CFAP70: variants seen among roughly 807,000 people sequenced by gnomAD.
CFAP70 encodes cilia- and flagella-associated protein 70.
In CFAP70, 81 loss-of-function variants were observed where a neutral mutation model predicts 137.6. That is an observed-to-expected ratio of 0.59 (90% confidence interval 0.49 to 0.71). The LOEUF (loss-of-function observed/expected upper bound fraction) is 0.71. Among genes scored for constraint, CFAP70 ranks in the 30% least tolerant of loss-of-function variants. The pLI is 0.00. For synonymous variants in CFAP70, 382 were observed against 423.6 expected (o/e 0.90, Z 1.20); for missense variants, 976 against 1,226.7 (o/e 0.80, Z 3.05).
At chr10:73,256,402 T>G (rs780208474) in exon 26 of CFAP70, 1 of 1,614,142 alleles carries the variant, frequency 6.2e-7, no homozygotes, top group Non-Finnish European at 8.5e-7. Flanking sequence ...GCTCAGCTTC[T>G]AATTGCCGTC....
In CFAP70 at chr10:73,354,798, T is replaced by C. The variant is rs1352566369; in HGVS notation, c.-2A>G. The stretch of plus-strand genomic sequence containing the variant: ...GCCTGCTGATGGCACTTGCTCCATA[T>C]CACCAACTGGGAAAAGTCCCTCTGT... On this transcript the variant is annotated 5_prime_UTR_variant, in exon 2 of 27. An upstream open reading frame in the 5' UTR loses its in-frame stop. Coordinates refer to ENST00000310715, the Ensembl canonical transcript of CFAP70. 2 of 1,613,812 alleles carry C rather than the reference T, an allele frequency of 1.2e-6. No homozygotes were observed. Among genetic ancestry groups the C allele is most frequent in the African/African-American group, 1.3e-5 (1 of 74,918 alleles).
intron 25 of CFAP70, among the ~76,000 whole-genome samples, chr10:73,261,970 T>A (rs952195736): frequency 1.4e-5 from 2 of 147,298 alleles, no homozygotes; most frequent in African/African-American, 5.0e-5. Flanking sequence ...TGTATACATA[T>A]TATATATATG....
intron 3 of CFAP70, among the ~76,000 whole-genome samples, chr10:73,350,973 A>G (rs1048230622): frequency 1.4e-5 from 2 of 138,788 alleles, no homozygotes; most frequent in Non-Finnish European, 3.1e-5. Flanking sequence ...GTGTATATGT[A>G]TGTGTGTGTG....
At chr10:73,295,785 T>G (rs1158965913) in intron 15 of CFAP70, 1 of 152,226 alleles carries the variant, frequency 6.6e-6, no homozygotes, top group African/African-American at 2.4e-5. Flanking sequence ...AGAGTTCTAC[T>G]GCCAGCTCTC....
At chr10:73,322,845 T>A in intron 9 of CFAP70, 118 bp downstream of exon 10, 1 of 824,320 alleles carries the variant, frequency 1.2e-6, no homozygotes, top group South Asian at 2.6e-5. Flanking sequence ...ATATTTAATA[T>A]CCTAGTATAC....
chr10:73,350,897 G>A (rs1306243168), intron 3 of CFAP70, among the ~76,000 whole-genome samples: 1 of 150,720 alleles, frequency 6.6e-6, no homozygotes, highest in Non-Finnish European at 1.5e-5. Flanking sequence ...AGTAGCTAGG[G>A]CTACAAGTGC....
chr10:73,333,356 G>A (rs1299794971), intron 7 of CFAP70, among the ~76,000 whole-genome samples: 1 of 151,894 alleles, frequency 6.6e-6, no homozygotes, highest in Non-Finnish European at 1.5e-5. Flanking sequence ...AGTAATAATA[G>A]CTAAGAATTT....
intron 7 of CFAP70, among the ~76,000 whole-genome samples, chr10:73,334,830 G>A (rs897870030): frequency 1.3e-5 from 2 of 151,070 alleles, no homozygotes; most frequent in African/African-American, 4.9e-5. Context: ...CACCCGCCTC[G>A]GCCTTTCAAA....
At chr10:73,311,971 C>A (rs2049957275) in intron 10 of CFAP70, 57 bp from the exon 12 acceptor site, 3 of 1,308,500 alleles carry the variant, frequency 2.3e-6, no homozygotes, top group Non-Finnish European at 3.3e-6. Context: ...TTCATAGTGA[C>A]AAGAACAATG....
exon 8 of CFAP70, chr10:73,331,200 C>A: frequency 6.2e-7 from 1 of 1,612,054 alleles, no homozygotes; most frequent in Non-Finnish European, 8.5e-7. Flanking sequence ...CCAGCTTTCC[C>A]TTTGGGTATA....
chr10:73,339,107 C>T (rs887148443), intron 6 of CFAP70, among the ~76,000 whole-genome samples: 1 of 151,702 alleles, frequency 6.6e-6, no homozygotes, highest in African/African-American at 2.4e-5. Flanking sequence ...TTAGTAGAGA[C>T]AGAGTTTCAT....
At chr10:73,345,624 G>C (rs2053635331) in intron 4 of CFAP70, among the ~76,000 whole-genome samples, 1 of 152,036 alleles carries the variant, frequency 6.6e-6, no homozygotes, top group South Asian at 2.1e-4. Context: ...GGCCAACACA[G>C]TGAAAACCCA....
At chr10:73,320,096 A>G (rs534137216) in intron 9 of CFAP70, among the ~76,000 whole-genome samples, 1 of 152,064 alleles carries the variant, frequency 6.6e-6, no homozygotes, top group Non-Finnish European at 1.5e-5. Flanking sequence ...TTACATTTTA[A>G]TTTTGTTTAT....
intron 4 of CFAP70, 151 bp from the exon 6 acceptor site, chr10:73,345,395 T>G (rs1249770274): frequency 1.4e-6 from 1 of 721,828 alleles, no homozygotes; most frequent in Non-Finnish European, 2.2e-6. Flanking sequence ...CTAAGTCCCA[T>G]GAGTTGGAGA....
chr10:73,278,602 G>C (rs927341939), intron 19 of CFAP70, among the ~76,000 whole-genome samples: 1 of 152,094 alleles, frequency 6.6e-6, no homozygotes. Flanking sequence ...CCTATTTTAA[G>C]TTATTAAAAA....
intron 9 of CFAP70, among the ~76,000 whole-genome samples, chr10:73,316,980 A>G (rs899822273): frequency 2.6e-5 from 4 of 152,126 alleles, no homozygotes; most frequent in Non-Finnish European, 5.9e-5. Context: ...CCTAGCAACA[A>G]ATTCTTTCAG....
intron 19 of CFAP70, among the ~76,000 whole-genome samples, chr10:73,290,314 G>A (rs1404188803): frequency 6.6e-6 from 1 of 152,092 alleles, no homozygotes; most frequent in Non-Finnish European, 1.5e-5. Context: ...GAAAATTCCA[G>A]GTGTTTTCTA....
intron 1 of CFAP70, among the ~76,000 whole-genome samples, chr10:73,357,205 G>A (rs2054746913): frequency 6.6e-6 from 1 of 152,142 alleles, no homozygotes. Context: ...TATCTTAAAT[G>A]TAGCCTCCCT....
intron 12 of CFAP70, among the ~76,000 whole-genome samples, chr10:73,303,999 G>A (rs1319380810): frequency 6.6e-6 from 1 of 151,762 alleles, no homozygotes; most frequent in Non-Finnish European, 1.5e-5. Flanking sequence ...CTTTTCCATC[G>A]TTTTGAGTTT....
Sources: allele counts gnomAD v4.1 joint callset (sites outside exome capture counted in the v4.1 genomes callset), GRCh38; gene constraint gnomAD v4.1.1; transcripts MANE v1.5; gene names NCBI Gene and HGNC (gene_info 2026-07-23, HGNC 2026-07-21).